Variants in ERC1 observed in about 807,000 individuals in gnomAD.
The protein encoded by ERC1 is ELKS/RAB6-interacting/CAST family member 1.
ERC1 carries 56 observed loss-of-function variants against 132.0 expected under a neutral mutation model. The ratio of observed to expected loss-of-function variants is 0.42; its 90% confidence interval spans 0.34 to 0.53. ERC1 has a LOEUF of 0.53. Among genes scored for constraint, ERC1 ranks in the 20% least tolerant of loss-of-function variants. The pLI is 0.03. For missense variants in ERC1, 1,202 were observed against 1,349.9 expected (o/e 0.89, Z 1.72); for synonymous variants, 478 against 476.1 (o/e 1.00, Z -0.05).
chr12:1,098,765 C>T (rs189037440), intron 3 of ERC1, among the ~76,000 whole-genome samples: 1 of 152,194 alleles, frequency 6.6e-6, no homozygotes, highest in Non-Finnish European at 1.5e-5. Flanking sequence ...GAGCAGAGGG[C>T]AGGCCTAGAA....
chr12:1,476,126 G>A (rs573946103), intron 18 of ERC1, among the ~76,000 whole-genome samples: 1 of 151,858 alleles, frequency 6.6e-6, no homozygotes, highest in East Asian at 1.9e-4. Context: ...TTAGCCTGGG[G>A]CCACCTGTGG....
At chr12:1,060,850 T>C (rs772841285) in intron 2 of ERC1, among the ~76,000 whole-genome samples, 72 of 151,808 alleles carry the variant, frequency 4.7e-4, no homozygotes, top group African/African-American at 1.2e-4. Context: ...CTCAGCCTCC[T>C]GAGTAGCTGG....
At position 1,343,967 on chromosome 12, in the gene ERC1, G is replaced by A. The variant is rs180957162; in HGVS notation, c.2781-27866G>A. 3.0e-4 allele frequency among the ~76,000 whole-genome samples: 46 copies of A among 151,930 alleles called. No homozygotes were observed. In the East Asian group the frequency reaches 8.6e-3, roughly 28 times the overall value. ...CACCATTCTCCTGCCTCAGTGTCCC[G>A]TGTAGCTGGGACTACAGGCACCCAC... On this transcript the variant is annotated intron_variant, in intron 15 of 18. Coordinates refer to ENST00000360905, the MANE Select transcript of ERC1 (RefSeq NM_178040.4).
chr12:1,080,994 A>T (rs1450867846), intron 2 of ERC1, among the ~76,000 whole-genome samples: 1 of 152,122 alleles, frequency 6.6e-6, no homozygotes, highest in Non-Finnish European at 1.5e-5. Context: ...TTAAAGTATG[A>T]GGGATCTGAA....
intron 12 of ERC1, among the ~76,000 whole-genome samples, chr12:1,233,920 G>C (rs1448445239): frequency 6.6e-6 from 1 of 152,134 alleles, no homozygotes; most frequent in Non-Finnish European, 1.5e-5. Context: ...TTTGAATATG[G>C]ACTATATATT....
chr12:1,093,926 T>C (rs1410972092), intron 3 of ERC1, among the ~76,000 whole-genome samples: 3 of 127,298 alleles, frequency 2.4e-5, no homozygotes, highest in South Asian at 2.5e-4. Context: ...TATATAAATG[T>C]ATATTTTTCT....
rs149262057 is a variant in ERC1 at position 1,342,182 on chromosome 12, G to A, written c.2781-29651G>A. 7.2e-5 allele frequency among the ~76,000 whole-genome samples: 11 copies of A among 151,954 alleles called. No homozygotes were observed. In the East Asian group the frequency reaches 9.7e-4, roughly 13 times the overall value. ...AATTCAGTAAGCAAAAAGTTAATGC[G>A]GGCCGGGTGCGGTGGCTCACGCCTG... On this transcript the variant is annotated intron_variant, in intron 15 of 18. Transcript: ENST00000360905.
intron 15 of ERC1, among the ~76,000 whole-genome samples, chr12:1,347,053 T>C (rs1263821415): frequency 1.3e-5 from 2 of 152,300 alleles, no homozygotes; most frequent in East Asian, 3.9e-4. Context: ...TATTTAGAAT[T>C]GTGACAAGGT....
At chr12:1,346,024 G>A (rs1190228689) in intron 15 of ERC1, among the ~76,000 whole-genome samples, 1 of 152,104 alleles carries the variant, frequency 6.6e-6, no homozygotes, top group African/African-American at 2.4e-5. Context: ...ATCTGATGTT[G>A]CCCCTCTGAG....
At chr12:1,144,370 G>T (rs1190100557) in intron 8 of ERC1, among the ~76,000 whole-genome samples, 1 of 152,084 alleles carries the variant, frequency 6.6e-6, no homozygotes, top group African/African-American at 2.4e-5. Flanking sequence ...AGTGGACACT[G>T]TACCCAATGT....
At chr12:1,419,337 T>G (rs1026126169) in intron 17 of ERC1, among the ~76,000 whole-genome samples, 1 of 152,014 alleles carries the variant, frequency 6.6e-6, no homozygotes, top group African/African-American at 2.4e-5. Context: ...ATACTACAAA[T>G]GTACTTTTTC....
intron 15 of ERC1, among the ~76,000 whole-genome samples, chr12:1,302,820 G>T (rs978733483): frequency 6.6e-5 from 10 of 152,006 alleles, no homozygotes; most frequent in Admixed American, 4.6e-4. Context: ...ATAAATAGCG[G>T]GGCATGGTGG....
chr12:1,404,680 G>A (rs889173699), intron 16 of ERC1, among the ~76,000 whole-genome samples: 11 of 152,020 alleles, frequency 7.2e-5, no homozygotes, highest in African/African-American at 2.7e-4. Context: ...TTTAGATTCG[G>A]GGGATGCATA....
At chr12:1,366,260 C>A (rs890718432) in intron 15 of ERC1, among the ~76,000 whole-genome samples, 1 of 151,980 alleles carries the variant, frequency 6.6e-6, no homozygotes, top group Non-Finnish European at 1.5e-5. Flanking sequence ...AATAAACAGA[C>A]CAATAAACCA....
At chr12:1,431,294 A>T (rs989849232) in intron 17 of ERC1, among the ~76,000 whole-genome samples, 1 of 152,210 alleles carries the variant, frequency 6.6e-6, no homozygotes, top group African/African-American at 2.4e-5. Flanking sequence ...TGTACTCAAA[A>T]TGAGTACAGG....
chr12:1,241,844 C>CTCCTTT (rs2075816282), intron 13 of ERC1, among the ~76,000 whole-genome samples: 1 of 98,280 alleles, frequency 1.0e-5, no homozygotes, highest in African/African-American at 3.9e-5. Flanking sequence ...ATTTCTTCTT[C>CTCCTTT]TTCTTTTTTT....
intron 7 of ERC1, among the ~76,000 whole-genome samples, chr12:1,126,777 C>A (rs1399604621): frequency 6.6e-6 from 1 of 151,844 alleles, no homozygotes; most frequent in African/African-American, 2.4e-5. Flanking sequence ...ATCATGAGGT[C>A]AAGAGATCGA....
intron 13 of ERC1, among the ~76,000 whole-genome samples, chr12:1,254,216 C>T (rs1036276550): frequency 4.6e-5 from 7 of 152,132 alleles, no homozygotes; most frequent in African/African-American, 1.7e-4. Flanking sequence ...CCTTTGCTAT[C>T]TCTAGATAGC....
At chr12:1,136,942 T>C (rs1246356652) in intron 7 of ERC1, among the ~76,000 whole-genome samples, 3 of 152,138 alleles carry the variant, frequency 2.0e-5, no homozygotes, top group Admixed American at 1.3e-4. Flanking sequence ...TAGGAGAGAT[T>C]TCCCTGCCTG....
Sources: gnomAD v4.1 joint callset for allele counts (sites outside exome capture counted in the v4.1 genomes callset) on GRCh38, gnomAD v4.1.1 for gene constraint, MANE v1.5 for transcripts, NCBI Gene and HGNC (gene_info 2026-07-23, HGNC 2026-07-21) for gene names.